Variants in RANBP2 observed in about 807,000 individuals in gnomAD.
The protein encoded by RANBP2 is E3 SUMO-protein ligase RanBP2.
In RANBP2, 57 loss-of-function variants were observed where a neutral mutation model predicts 303.6. That is an observed-to-expected ratio of 0.19 (90% CI 0.15 to 0.23). The LOEUF is 0.23. RANBP2 is among the 10% of genes least tolerant of loss of function. The pLI, the probability that RANBP2 is intolerant of heterozygous loss-of-function variation, is 1.00. For synonymous variants in RANBP2, 1,167 were observed against 1,301.5 expected, an observed-to-expected ratio of 0.90 and a Z score of 2.23; for missense variants, 3,138 against 3,780.8, an observed-to-expected ratio of 0.83 and a Z score of 4.46.
chr2:108,772,372 A>G (rs907719802), intron 21 of RANBP2, 117 bp from the exon 22 acceptor site: 1 of 745,754 alleles, frequency 1.3e-6, no homozygotes, highest in Non-Finnish European at 2.3e-6. Flanking sequence ...TTAAAGATAT[A>G]AAATTGGCTG....
At chr2:109,027,365 G>A in the RANBP2 span, among the ~76,000 whole-genome samples, 2 of 151,846 alleles carry the variant, frequency 1.3e-5, no homozygotes, top group African/African-American at 4.8e-5. Context: ...CCAGACCCCA[G>A]ACATCTTGTT....
At chr2:109,549,505 G>A in the RANBP2 span, among the ~76,000 whole-genome samples, 11 of 152,162 alleles carry the variant, frequency 7.2e-5, no homozygotes, top group Non-Finnish European at 1.5e-4. Flanking sequence ...TACACATGAA[G>A]CATGCATTCA....
At chr2:109,478,424 G>A in the RANBP2 span, among the ~76,000 whole-genome samples, 5 of 152,332 alleles carry the variant, frequency 3.3e-5, no homozygotes, top group East Asian at 9.6e-4. Flanking sequence ...ATCAGTGTGA[G>A]ATGGCACCTT....
the RANBP2 span, among the ~76,000 whole-genome samples, chr2:109,590,423 C>A: frequency 1.4e-5 from 2 of 141,872 alleles, no homozygotes; most frequent in Non-Finnish European, 3.2e-5. Flanking sequence ...TGAGGTAAAT[C>A]CTTTTTTTTT....
the RANBP2 span, among the ~76,000 whole-genome samples, chr2:109,207,087 C>T: frequency 2.0e-5 from 3 of 152,082 alleles, no homozygotes; most frequent in Non-Finnish European, 2.9e-5. Context: ...GAGCTTAGTG[C>T]GCTCAAGAAG....
chr2:109,489,173 G>A, the RANBP2 span, among the ~76,000 whole-genome samples: 1 of 152,266 alleles, frequency 6.6e-6, no homozygotes, highest in Non-Finnish European at 1.5e-5. Flanking sequence ...TGCATAAGCA[G>A]CAGTGCCTGG....
intron 9 of RANBP2, among the ~76,000 whole-genome samples, chr2:108,749,813 T>G (rs373562349): frequency 1.3e-5 from 2 of 152,262 alleles, no homozygotes; most frequent in African/African-American, 4.8e-5. Context: ...AGGCTAGTCT[T>G]GAACTCCTAG....
At chr2:109,112,085 A>G in the RANBP2 span, among the ~76,000 whole-genome samples, 1 of 151,834 alleles carries the variant, frequency 6.6e-6, no homozygotes, top group Non-Finnish European at 1.5e-5. Flanking sequence ...TAGTGCCGCA[A>G]TAAACATACG....
At chr2:109,115,930 CT>C in the RANBP2 span, among the ~76,000 whole-genome samples, 19 of 152,220 alleles carry the variant, frequency 1.2e-4, no homozygotes, top group Middle Eastern at 3.2e-3. Context: ...GTTGAAAATT[CT>C]TTTCTTTAAG....
the RANBP2 span, among the ~76,000 whole-genome samples, chr2:109,198,765 T>C: frequency 4.6e-5 from 7 of 152,142 alleles, no homozygotes; most frequent in African/African-American, 1.7e-4. Context: ...AGGCCTCACC[T>C]CCTGATACCA....
chr2:108,789,599 A>G (rs1292298653), downstream of RANBP2, among the ~76,000 whole-genome samples: 1 of 152,190 alleles, frequency 6.6e-6, no homozygotes, highest in African/African-American at 2.4e-5. Context: ...CTGAAGAAAG[A>G]AAAAACGAAC....
At chr2:109,659,192 C>G in the RANBP2 span, among the ~76,000 whole-genome samples, 1 of 152,128 alleles carries the variant, frequency 6.6e-6, no homozygotes, top group Admixed American at 6.5e-5. Context: ...GCATGGCCAA[C>G]ACGGCGAAAC....
At chr2:109,069,660 A>G in the RANBP2 span, among the ~76,000 whole-genome samples, 1 of 152,258 alleles carries the variant, frequency 6.6e-6, no homozygotes, top group Admixed American at 6.5e-5. Flanking sequence ...ATTAAGGCTG[A>G]AAGAGGCTTT....
the RANBP2 span, among the ~76,000 whole-genome samples, chr2:108,864,913 A>C: frequency 2.0e-5 from 3 of 151,924 alleles, no homozygotes; most frequent in Non-Finnish European, 4.4e-5. Context: ...CTGAGCTATT[A>C]ACATGCCACT....
chr2:109,314,206 A>G, the RANBP2 span, among the ~76,000 whole-genome samples: 10 of 152,166 alleles, frequency 6.6e-5, no homozygotes, highest in African/African-American at 2.4e-4. Context: ...AGATGGGGGC[A>G]CCAGAACCAT....
chr2:108,777,339 A>AC, intron 25 of RANBP2, 108 bp downstream of exon 25: 1 of 518,406 alleles, frequency 1.9e-6, no homozygotes, highest in Non-Finnish European at 3.1e-6. Flanking sequence ...TTCTTCCCTT[A>AC]CCCCCCAGTT....
At chr2:109,463,085 T>C in the RANBP2 span, among the ~76,000 whole-genome samples, 1 of 152,326 alleles carries the variant, frequency 6.6e-6, no homozygotes, top group East Asian at 1.9e-4. Context: ...ATTCAAGGGA[T>C]TCTGAGTCTG....
At chr2:108,949,050 TCA>T in the RANBP2 span, among the ~76,000 whole-genome samples, 1 of 152,178 alleles carries the variant, frequency 6.6e-6, no homozygotes, top group African/African-American at 2.4e-5. Context: ...AATCATGGCT[TCA>T]CTGCAGTCTC....
chr2:109,108,820 C>T, the RANBP2 span, among the ~76,000 whole-genome samples: 3 of 152,174 alleles, frequency 2.0e-5, no homozygotes, highest in South Asian at 2.1e-4. Flanking sequence ...CAGTCTTTGC[C>T]GCCTCCCTGT....
Sources: gnomAD v4.1 joint callset for allele counts (sites outside exome capture counted in the v4.1 genomes callset) on GRCh38, gnomAD v4.1.1 for gene constraint, MANE v1.5 for transcripts, NCBI Gene and HGNC (gene_info 2026-07-23, HGNC 2026-07-21) for gene names.